Variants in PPP5C observed in about 807,000 individuals in gnomAD.
PPP5C encodes the protein serine/threonine-protein phosphatase 5.
In PPP5C, 21 loss-of-function variants were observed where a neutral mutation model predicts 66.7. That is an observed-to-expected ratio of 0.31 (90% CI 0.22 to 0.45). The LOEUF is 0.45. PPP5C is among the 20% of genes least tolerant of loss of function. The pLI is 1.00. For synonymous variants in PPP5C, 246 were observed against 257.4 expected (o/e 0.96, Z 0.43); for missense variants, 464 against 675.9 (o/e 0.69, Z 3.48).
chr19:46,381,046 T>TTTAA (rs2147395921), intron 4 of PPP5C, among the ~76,000 whole-genome samples: 1 of 152,378 alleles, frequency 6.6e-6, no homozygotes, highest in East Asian at 1.9e-4. Flanking sequence ...CCTGAATTTT[T>TTTAA]TTAATTCTTT....
intron 2 of PPP5C, among the ~76,000 whole-genome samples, chr19:46,368,465 T>C (rs905319673): frequency 1.3e-5 from 2 of 152,248 alleles, no homozygotes; most frequent in African/African-American, 4.8e-5. Flanking sequence ...CTCAGGGACA[T>C]ATCAGTCCTT....
rs929113750 is a variant in PPP5C, at chr19:46,362,069, T to C, written c.363+8080T>C. 2.0e-5 allele frequency among the ~76,000 whole-genome samples: 3 copies of C among 152,208 alleles called. No homozygotes were observed. The East Asian group carries it at 5.8e-4, about 29-fold the overall frequency. On this transcript the variant is annotated intron_variant, in intron 2 of 12. Coordinates refer to ENST00000012443, the MANE Select transcript of PPP5C (RefSeq NM_006247.4). ...TAAACTAAGTAAAATTGCTTTTCCT[T>C]TAACAAAACCACATCCTCTGTCTTG...
chr19:46,367,359 GTC>G (rs1972508521), intron 2 of PPP5C, among the ~76,000 whole-genome samples: 1 of 152,196 alleles, frequency 6.6e-6, no homozygotes, highest in Non-Finnish European at 1.5e-5. Context: ...GAACTGCAGA[GTC>G]ACACCAACAT....
chr19:46,363,471 C>CT (rs1972436127), intron 2 of PPP5C, among the ~76,000 whole-genome samples: 2 of 150,838 alleles, frequency 1.3e-5, no homozygotes, highest in African/African-American at 4.9e-5. Flanking sequence ...CACTCTGTCG[C>CT]CAGGCTGGAG....
intron 2 of PPP5C, among the ~76,000 whole-genome samples, chr19:46,368,573 G>A (rs1323154165): frequency 1.3e-5 from 2 of 152,048 alleles, no homozygotes; most frequent in Non-Finnish European, 1.5e-5. Flanking sequence ...AATAGCTTTG[G>A]GGGTACCCGT....
At chr19:46,359,524 T>C (rs894920089) in intron 2 of PPP5C, among the ~76,000 whole-genome samples, 1 of 152,124 alleles carries the variant, frequency 6.6e-6, no homozygotes, top group East Asian at 1.9e-4. Flanking sequence ...CAGTACAAAC[T>C]GTAGGCAAGT....
At chr19:46,374,145 C>T (rs1337997428) in intron 2 of PPP5C, among the ~76,000 whole-genome samples, 1 of 152,192 alleles carries the variant, frequency 6.6e-6, no homozygotes, top group Non-Finnish European at 1.5e-5. Context: ...GGCAGGGTGC[C>T]CTAGGCCTGC....
chr19:46,387,682 C>T (rs1354384160), intron 9 of PPP5C: 30 of 1,468,654 alleles, frequency 2.0e-5, no homozygotes, highest in Middle Eastern at 2.0e-4. Flanking sequence ...CGGTGACCGC[C>T]GAGCACACCT....
chr19:46,347,910 A>G (rs1485203923), intron 1 of PPP5C, among the ~76,000 whole-genome samples: 1 of 151,324 alleles, frequency 6.6e-6, no homozygotes, highest in Non-Finnish European at 1.5e-5. Context: ...CCCTGTCCTT[A>G]GCTTGTAATT....
chr19:46,369,878 A>T (rs1972555981), intron 2 of PPP5C, among the ~76,000 whole-genome samples: 1 of 149,246 alleles, frequency 6.7e-6, no homozygotes, highest in Non-Finnish European at 1.5e-5. Context: ...GTGAGCCGAG[A>T]TCAAGCCATT....
At chr19:46,389,409 A>AGAGTGTTGATCC (rs1358549345) in intron 11 of PPP5C, among the ~76,000 whole-genome samples, 4 of 36,794 alleles carry the variant, frequency 1.1e-4, no homozygotes, top group Non-Finnish European at 2.1e-4. Flanking sequence ...ACACACACAC[A>AGAGTGTTGATCC]CACACACACA....
intron 2 of PPP5C, among the ~76,000 whole-genome samples, chr19:46,366,222 G>A (rs575070999): frequency 7.4e-4 from 112 of 152,174 alleles, no homozygotes; most frequent in African/African-American, 2.7e-3. Context: ...TGACATAACC[G>A]AAGAAACTGA....
chr19:46,389,336 C>T (rs921255270), intron 11 of PPP5C, among the ~76,000 whole-genome samples: 21 of 145,150 alleles, frequency 1.4e-4, no homozygotes, highest in African/African-American at 3.8e-4. Flanking sequence ...CACACGCACA[C>T]GGGCAAGAGT....
At chr19:46,370,447 C>A (rs1972568463) in intron 2 of PPP5C, among the ~76,000 whole-genome samples, 1 of 152,224 alleles carries the variant, frequency 6.6e-6, no homozygotes, top group Admixed American at 6.5e-5. Context: ...CTGGGGCTGT[C>A]ACACGCATGG....
At chr19:46,364,653 GT>G (rs1972460305) in intron 2 of PPP5C, among the ~76,000 whole-genome samples, 1 of 151,888 alleles carries the variant, frequency 6.6e-6, no homozygotes, top group Admixed American at 6.6e-5. Flanking sequence ...TTCTGGGGGA[GT>G]TTCCTAAAAA....
At chr19:46,366,856 G>A (rs555677785) in intron 2 of PPP5C, among the ~76,000 whole-genome samples, 37 of 152,196 alleles carry the variant, frequency 2.4e-4, no homozygotes, top group Non-Finnish European at 4.3e-4. Flanking sequence ...AGTGAGAAGT[G>A]GGATATGACT....
At chr19:46,347,305 C>T (rs748666051) in intron 1 of PPP5C, 88 bp downstream of exon 1, 21 of 1,472,058 alleles carry the variant, frequency 1.4e-5, no homozygotes, top group East Asian at 2.5e-5. Flanking sequence ...GGAGCTGCAG[C>T]CTGGGCGCGG....
Position 46,390,944 on chromosome 19 carries a change from G to A in PPP5C, c.*598G>A, listed in dbSNP as rs957712254. 4.3e-6 allele frequency: 5 copies of A among 1,176,140 alleles called. No individual in the cohort carries two copies. In the South Asian group the frequency reaches 6.4e-5, roughly 15 times the overall value. 72.9% of individuals were successfully genotyped at this position (1,176,140 alleles called of 1,614,324 possible). A position where few individuals can be genotyped will look rare whatever the true frequency, so the allele number is the denominator to read the frequency against. ...GAGGGTGGGGAGGCCGCAAAGTCCC[G>A]CTGGCCGGGCCCACCCAGCTCTGGG... On this transcript the variant is annotated 3_prime_UTR_variant, in exon 13 of 13. Coordinates refer to ENST00000012443, the MANE Select transcript of PPP5C (RefSeq NM_006247.4).
chr19:46,365,093 T>C (rs1182165806), intron 2 of PPP5C, among the ~76,000 whole-genome samples: 2 of 152,168 alleles, frequency 1.3e-5, no homozygotes, highest in African/African-American at 4.8e-5. Flanking sequence ...AGCAACTCTC[T>C]TGCCTCGGTC....
Sources: gnomAD v4.1 joint callset for allele counts (sites outside exome capture counted in the v4.1 genomes callset) on GRCh38, gnomAD v4.1.1 for gene constraint, MANE v1.5 for transcripts, NCBI Gene and HGNC (gene_info 2026-07-23, HGNC 2026-07-21) for gene names.